Variants in PHKB observed in about 807,000 individuals in gnomAD.
The protein encoded by PHKB is phosphorylase kinase regulatory subunit beta.
PHKB carries 122 observed loss-of-function variants against 152.1 expected under a neutral mutation model. The observed-to-expected ratio is 0.80, with a 90% CI of 0.69 to 0.93. The LOEUF (loss-of-function observed/expected upper bound fraction) is 0.93. Ranked by LOEUF, PHKB falls within the 40% of genes least tolerant of loss-of-function variation. The pLI is 0.00. For missense variants in PHKB, 1,304 were observed against 1,328.4 expected (o/e 0.98, Z 0.29); for synonymous variants, 436 against 464.9 (o/e 0.94, Z 0.80).
Position 47,596,676 on chromosome 16 carries a change from G to A in PHKB, c.1363+145G>A, listed in dbSNP as rs570177215. 1,842 of 711,340 alleles carry A rather than the reference G, an allele frequency of 2.6e-3. 7 individuals are homozygous for A. The highest frequency in any genetic ancestry group is 3.4e-3 in the Non-Finnish European group (1,389 of 409,136). 44.1% of individuals were successfully genotyped at this position (711,340 alleles called of 1,614,324 possible). A position where few individuals can be genotyped will look rare whatever the true frequency, so the allele number is the denominator to read the frequency against. On this transcript the variant is annotated intron_variant, in intron 13 of 30. Coordinates refer to ENST00000323584, the MANE Select transcript of PHKB (RefSeq NM_000293.3). ...TTAGGGAGTTTCCTAGTATCTAGTG[G>A]TATATTAATATATCTATTTCACTGA... is the stretch of plus-strand genomic sequence containing the variant.
At position 47,566,798 on chromosome 16, in the gene PHKB, A is replaced by G. The variant is rs566524007; in HGVS notation, c.711-13497A>G. On this transcript the variant is annotated intron_variant, in intron 7 of 30. Transcript: ENST00000323584. ...GAGCCCAGCTGACTGGTTTGGAAAC[A>G]TAAGTGCTTCCTCCACCAGTCCCTC... is the stretch of plus-strand genomic sequence containing the variant. 209 of 731,008 alleles carry G rather than the reference A, an allele frequency of 2.9e-4. 3 individuals are homozygous for G. In the Middle Eastern group the frequency reaches 3.5e-3, roughly 12 times the overall value. The allele number at this position is 731,008 out of a possible 1,614,324, so 45.3% of individuals were successfully genotyped here.
chr16:47,550,574 G>C (rs1036134705), intron 7 of PHKB, among the ~76,000 whole-genome samples: 1 of 152,170 alleles, frequency 6.6e-6, no homozygotes, highest in Non-Finnish European at 1.5e-5. Context: ...GTGTTGCCTT[G>C]GTGCTCACTA....
intron 26 of PHKB, among the ~76,000 whole-genome samples, chr16:47,675,429 C>A (rs1190029595): frequency 4.0e-5 from 6 of 151,862 alleles, no homozygotes; most frequent in Non-Finnish European, 8.8e-5. Context: ...CTGAGGAGTG[C>A]TTTTTACACA....
At chr16:47,603,890 A>G (rs530847075) in intron 13 of PHKB, among the ~76,000 whole-genome samples, 2 of 152,266 alleles carry the variant, frequency 1.3e-5, no homozygotes, top group Non-Finnish European at 2.9e-5. Context: ...TCTCTCTGAG[A>G]TGGGTACTAT....
At chr16:47,504,896 G>A (rs745757076) in intron 4 of PHKB, among the ~76,000 whole-genome samples, 9 of 152,240 alleles carry the variant, frequency 5.9e-5, no homozygotes, top group Non-Finnish European at 1.2e-4. Context: ...TGCCCCAGAG[G>A]TGGAGCACCA....
At chr16:47,525,811 G>T (rs1309358277) in intron 6 of PHKB, among the ~76,000 whole-genome samples, 1 of 152,186 alleles carries the variant, frequency 6.6e-6, no homozygotes, top group East Asian at 1.9e-4. Flanking sequence ...GCTACACAGG[G>T]AGTTGTACCA....
intron 14 of PHKB, among the ~76,000 whole-genome samples, chr16:47,632,116 C>T (rs900915841): frequency 6.6e-6 from 1 of 152,190 alleles, no homozygotes; most frequent in African/African-American, 2.4e-5. Flanking sequence ...TCACTGCCCC[C>T]TCCCCAAACC....
At chr16:47,479,158 C>A (rs190176316) in intron 1 of PHKB, among the ~76,000 whole-genome samples, 1 of 151,930 alleles carries the variant, frequency 6.6e-6, no homozygotes, top group African/African-American at 2.4e-5. Context: ...GTTTTAGGGC[C>A]GAGGCTGGAT....
At chr16:47,614,856 C>G (rs764951109) in intron 14 of PHKB, among the ~76,000 whole-genome samples, 6 of 152,110 alleles carry the variant, frequency 3.9e-5, no homozygotes, top group Non-Finnish European at 8.8e-5. Context: ...CAGCCTTCTT[C>G]TGTTATCATT....
intron 13 of PHKB, among the ~76,000 whole-genome samples, chr16:47,600,387 G>A (rs929642666): frequency 1.4e-4 from 21 of 152,200 alleles, no homozygotes; most frequent in South Asian, 4.1e-4. Context: ...CCCGTAAGAC[G>A]TATCTTAAGA....
intron 7 of PHKB, among the ~76,000 whole-genome samples, chr16:47,570,870 TGC>T (rs1971646637): frequency 6.6e-6 from 1 of 152,136 alleles, no homozygotes; most frequent in Non-Finnish European, 1.5e-5. Flanking sequence ...TTTTTCATAT[TGC>T]CAGAATTATT....
At chr16:47,586,577 TG>T (rs1357825922) in intron 8 of PHKB, among the ~76,000 whole-genome samples, 1 of 152,278 alleles carries the variant, frequency 6.6e-6, no homozygotes, top group East Asian at 1.9e-4. Flanking sequence ...CATCTGGATA[TG>T]GGGTCTGGTG....
rs187801730 is a variant in PHKB at position 47,566,298 on chromosome 16, C to A, written c.711-13997C>A. 4.7e-6 allele frequency: 5 copies of A among 1,057,198 alleles called. No homozygotes were observed. In the Admixed American group the frequency reaches 5.1e-5, roughly 11 times the overall value. 65.5% of individuals were successfully genotyped at this position (1,057,198 alleles called of 1,614,324 possible). ...AAAGCTGTCTGTGGCAGGACGAGCC[C>A]TTCAGTCTGTATCTGTTTTGTCATA... is the stretch of plus-strand genomic sequence containing the variant. On this transcript the variant is annotated intron_variant, in intron 7 of 30. Coordinates refer to ENST00000323584, the MANE Select transcript of PHKB (RefSeq NM_000293.3).
chr16:47,698,951 T>C (rs1385376408), intron 30 of PHKB, among the ~76,000 whole-genome samples: 1 of 152,142 alleles, frequency 6.6e-6, no homozygotes, highest in African/African-American at 2.4e-5. Flanking sequence ...TACTGCCTAA[T>C]ATAGGCCCTT....
At chr16:47,545,317 G>A (rs1466823155) in intron 6 of PHKB, among the ~76,000 whole-genome samples, 3 of 152,124 alleles carry the variant, frequency 2.0e-5, no homozygotes, top group Non-Finnish European at 4.4e-5. Context: ...GCATTTGCTT[G>A]TCAGTAAAGG....
intron 11 of PHKB, 31 bp downstream of exon 11, chr16:47,593,588 A>G: frequency 8.1e-7 from 1 of 1,240,252 alleles, no homozygotes; most frequent in Non-Finnish European, 1.2e-6. Context: ...AATTTAAGCA[A>G]GCTTTTTCCT....
chr16:47,476,406 C>T (rs976272478), intron 1 of PHKB, among the ~76,000 whole-genome samples: 5 of 152,024 alleles, frequency 3.3e-5, no homozygotes, highest in African/African-American at 7.3e-5. Context: ...CACAGTAAGG[C>T]TCAATTAGTT....
In PHKB at chr16:47,499,794, G is replaced by T. The variant is rs761464946; in HGVS notation, c.205G>T (p.Gly69Cys). 8.7e-6 allele frequency: 14 copies of T among 1,614,102 alleles called. No homozygotes were observed. Among genetic ancestry groups the T allele is most frequent in the Non-Finnish European group, 1.2e-5 (14 of 1,179,984 alleles). Residue 69 changes from glycine to cysteine, a missense_variant, in exon 3 of 31, where the codon GGT becomes TGT. Physicochemically the swap from Gly to Cys is radical, Grantham distance 159 (BLOSUM62 -3). Transcript: ENST00000323584. ...TLLLYQSPTT[G>C]LFPTKTCGGD... ...GCTGCTGTATCAAAGTCCAACTACC[G>T]GTCTCTTTCCCACTAAAACATGCGG...
chr16:47,488,716 G>T (rs1008772384), intron 1 of PHKB, among the ~76,000 whole-genome samples: 2 of 152,112 alleles, frequency 1.3e-5, no homozygotes, highest in Admixed American at 1.3e-4. Flanking sequence ...TTTCCCCAAT[G>T]CTTGTTTTCT....
Sources: gnomAD v4.1 joint callset for allele counts (sites outside exome capture counted in the v4.1 genomes callset) on GRCh38, gnomAD v4.1.1 for gene constraint, MANE v1.5 for transcripts, NCBI Gene and HGNC (gene_info 2026-07-23, HGNC 2026-07-21) for gene names.